The following MYLK variants were observed in gnomAD, a reference collection of about 807,000 sequenced individuals.
MYLK encodes myosin light chain kinase, smooth muscle.
A neutral mutation model predicts 203.4 loss-of-function variants in MYLK; 106 were observed. The ratio of observed to expected loss-of-function variants is 0.52; its 90% CI spans 0.45 to 0.61. The LOEUF (loss-of-function observed/expected upper bound fraction) is 0.61. Ranked by LOEUF, MYLK falls within the 20% of genes least tolerant of loss-of-function variation. The probability of loss-of-function intolerance (pLI) is 0.00; values close to 1 mark genes in which losing one functional copy is unlikely to be tolerated. For missense variants in MYLK, 2,072 were observed against 2,442.3 expected (o/e 0.85, Z 3.20); for synonymous variants, 867 against 959.5 (o/e 0.90, Z 1.78).
intron 16 of MYLK, among the ~76,000 whole-genome samples, chr3:123,705,599 C>G (rs2061431250): frequency 6.6e-6 from 1 of 152,160 alleles, no homozygotes; most frequent in Non-Finnish European, 1.5e-5. Context: ...ACTTCTGAAG[C>G]CCCTTCCTGC....
chr3:123,633,884 T>C (rs954410206), intron 29 of MYLK, among the ~76,000 whole-genome samples: 1 of 152,078 alleles, frequency 6.6e-6, no homozygotes, highest in South Asian at 2.1e-4. Context: ...GGTCTCGCTA[T>C]ATCAGCCAGG....
chr3:123,709,914 C>T lies in MYLK; in HGVS notation c.1805-21G>A, dbSNP rs373544218. The stretch of plus-strand genomic sequence containing the variant: ...CTTTTCTGTGTGGTAGAAAACAGAA[C>T]GTGGGGTGAACATTCATGCATTCAT... On this transcript the variant is annotated intron_variant, in intron 13 of 33. Transcript: ENST00000360304. 223 of 1,613,534 alleles carry T rather than the reference C, an allele frequency of 1.4e-4. No individual in the cohort carries two copies. The African/African-American group carries it at 2.3e-3, about 17-fold the overall frequency.
chr3:123,783,883 G>A (rs1274425769), intron 4 of MYLK, among the ~76,000 whole-genome samples: 2 of 152,152 alleles, frequency 1.3e-5, no homozygotes, highest in Admixed American at 1.3e-4. Flanking sequence ...AATTTCTCTG[G>A]CTTACGGTGC....
chr3:123,623,931 T>C (rs940369404), intron 31 of MYLK: 1 of 152,184 alleles, frequency 6.6e-6, no homozygotes, highest in African/African-American at 2.4e-5. Context: ...TCGCCATCTA[T>C]ACTAAAATAT....
chr3:123,772,836 G>C (rs2063931260), intron 4 of MYLK, among the ~76,000 whole-genome samples: 3 of 151,964 alleles, frequency 2.0e-5, no homozygotes, highest in Admixed American at 1.3e-4. Context: ...TAGGTAAAGT[G>C]ATAACTAGTG....
chr3:123,808,819 C>T (rs1408201061), intron 3 of MYLK, among the ~76,000 whole-genome samples: 1 of 152,206 alleles, frequency 6.6e-6, no homozygotes, highest in African/African-American at 2.4e-5. Flanking sequence ...CTATAAGATA[C>T]ATACTGTATT....
intron 2 of MYLK, among the ~76,000 whole-genome samples, chr3:123,853,186 A>T (rs1425094220): frequency 6.6e-6 from 1 of 152,138 alleles, no homozygotes; most frequent in Non-Finnish European, 1.5e-5. Flanking sequence ...ATCCTATTAC[A>T]TAGAAAGCCC....
At chr3:123,646,055 C>T (rs757993755) in intron 27 of MYLK, among the ~76,000 whole-genome samples, 4 of 152,040 alleles carry the variant, frequency 2.6e-5, no homozygotes, top group Admixed American at 6.6e-5. Context: ...ACCTGGGAGG[C>T]GGAGGTTGCA....
intron 3 of MYLK, among the ~76,000 whole-genome samples, chr3:123,812,731 C>G (rs2065602376): frequency 6.6e-6 from 1 of 152,220 alleles, no homozygotes; most frequent in African/African-American, 2.4e-5. Context: ...TTTGTTCACA[C>G]ATCCAGTCAG....
At chr3:123,639,140 G>T (rs1394069351) in intron 28 of MYLK, 6 of 844,672 alleles carry the variant, frequency 7.1e-6, no homozygotes, top group African/African-American at 1.8e-5. Context: ...GAGGACAGTG[G>T]CCTATTTGTT....
chr3:123,740,137 T>C, intron 5 of MYLK, 136 bp from the exon 6 acceptor site: 1 of 819,334 alleles, frequency 1.2e-6, no homozygotes, highest in Non-Finnish European at 2.1e-6. Flanking sequence ...TGTGTCACTA[T>C]GGATACTATG....
chr3:123,739,112 A>T (rs1365727286), intron 6 of MYLK, 50 bp from the exon 7 acceptor site: 1 of 1,597,172 alleles, frequency 6.3e-7, no homozygotes, highest in Non-Finnish European at 8.6e-7. Flanking sequence ...CAGCAATTCA[A>T]CCATCCTCTC....
intron 18 of MYLK, 81 bp downstream of exon 18, chr3:123,699,939 G>A (rs371872092): frequency 6.3e-7 from 1 of 1,593,532 alleles, no homozygotes; most frequent in Non-Finnish European, 8.6e-7. Context: ...GCTAACAGGG[G>A]TCAGCGAGAC....
At chr3:123,728,304 C>A (rs375105405) in intron 11 of MYLK, among the ~76,000 whole-genome samples, 29 of 152,186 alleles carry the variant, frequency 1.9e-4, no homozygotes, top group African/African-American at 6.7e-4. Context: ...AAGTTTGAAA[C>A]CAGCCTGGGA....
intron 9 of MYLK, chr3:123,734,517 C>T (rs1357194628): frequency 1.5e-5 from 5 of 339,602 alleles, no homozygotes; most frequent in African/African-American, 4.2e-5. Context: ...CACCGGTGTC[C>T]CGTGTCCACT....
intron 24 of MYLK, among the ~76,000 whole-genome samples, chr3:123,656,690 C>G (rs1464146493): frequency 6.6e-6 from 1 of 152,122 alleles, no homozygotes; most frequent in Admixed American, 6.5e-5. Flanking sequence ...AGGATGCATC[C>G]CTTCTCATTA....
At chr3:123,816,688 T>C (rs979206356) in intron 3 of MYLK, among the ~76,000 whole-genome samples, 1 of 152,220 alleles carries the variant, frequency 6.6e-6, no homozygotes, top group Middle Eastern at 3.2e-3. Flanking sequence ...AATAGAAATA[T>C]GGCACAATGC....
At chr3:123,789,676 A>AAAG (rs1560219719) in intron 4 of MYLK, among the ~76,000 whole-genome samples, 1 of 145,586 alleles carries the variant, frequency 6.9e-6, no homozygotes, top group African/African-American at 2.5e-5. Flanking sequence ...AAAAAAAAAA[A>AAAG]AAGAAGGAAC....
chr3:123,768,880 G>A (rs975320945), intron 4 of MYLK, among the ~76,000 whole-genome samples: 2 of 152,188 alleles, frequency 1.3e-5, no homozygotes, highest in Non-Finnish European at 2.9e-5. Flanking sequence ...AATTCCAAAA[G>A]GCCACGCAAG....
Sources: allele counts gnomAD v4.1 joint callset (sites outside exome capture counted in the v4.1 genomes callset), GRCh38; gene constraint gnomAD v4.1.1; transcripts MANE v1.5; gene names NCBI Gene and HGNC (gene_info 2026-07-23, HGNC 2026-07-21).